Variants in LARGE1 observed in about 807,000 individuals in gnomAD.
LARGE1 encodes the protein xylosyl- and glucuronyltransferase LARGE1.
A neutral mutation model predicts 87.6 loss-of-function variants in LARGE1; 43 were observed. The observed-to-expected ratio is 0.49, with a 90% CI of 0.38 to 0.63. The LOEUF is 0.63. Among genes scored for constraint, LARGE1 ranks in the 30% least tolerant of loss-of-function variants. LARGE1 has a pLI of 0.00. For missense variants in LARGE1, 802 were observed against 1,000.2 expected (o/e 0.80, Z 2.67); for synonymous variants, 434 against 394.6 (o/e 1.10, Z -1.18).
At chr22:33,211,234 T>G (rs1924945707) in intron 11 of LARGE1, among the ~76,000 whole-genome samples, 1 of 152,154 alleles carries the variant, frequency 6.6e-6, no homozygotes. Context: ...CTCCTCCTCA[T>G]CGGGCCTCCT....
chr22:33,352,687 G>C (rs958210856), intron 9 of LARGE1, among the ~76,000 whole-genome samples: 1 of 152,068 alleles, frequency 6.6e-6, no homozygotes, highest in African/African-American at 2.4e-5. Flanking sequence ...GCTTGAACTT[G>C]GGAGGTGGAG....
At chr22:33,784,909 ATGTG>A (rs71816185) in intron 1 of LARGE1, among the ~76,000 whole-genome samples, 1 of 147,262 alleles carries the variant, frequency 6.8e-6, no homozygotes, top group Non-Finnish European at 1.5e-5. Context: ...TGTATATTAT[ATGTG>A]TGTGTATATA....
At chr22:33,792,666 A>G (rs1348011408) in intron 1 of LARGE1, among the ~76,000 whole-genome samples, 1 of 152,154 alleles carries the variant, frequency 6.6e-6, no homozygotes, top group Non-Finnish European at 1.5e-5. Context: ...ATCAAGTCAC[A>G]TATTCAAAAC....
At chr22:33,840,604 T>A (rs1020487043) in intron 1 of LARGE1, among the ~76,000 whole-genome samples, 1 of 152,192 alleles carries the variant, frequency 6.6e-6, no homozygotes, top group South Asian at 2.1e-4. Flanking sequence ...CCTTCATCTT[T>A]ACAGCAACCC....
intron 6 of LARGE1, among the ~76,000 whole-genome samples, chr22:33,445,647 C>CTT (rs201398589): frequency 4.4e-4 from 60 of 135,916 alleles, no homozygotes; most frequent in African/African-American, 1.3e-3. Context: ...AAGGGGGCCA[C>CTT]TTTTTTTTTT....
intron 2 of LARGE1, chr22:33,727,474 C>A (rs1569409217): frequency 6.6e-6 from 1 of 152,186 alleles, no homozygotes; most frequent in Non-Finnish European, 1.5e-5. Flanking sequence ...TGCCCTGTTT[C>A]TCTCACCACC....
chr22:33,282,172 C>T (rs1402332707), intron 13 of LARGE1, among the ~76,000 whole-genome samples: 1 of 152,102 alleles, frequency 6.6e-6, no homozygotes, highest in Admixed American at 6.5e-5. Context: ...TGGAGAAACC[C>T]CGTCTCTACT....
At chr22:33,917,775 AGGCCCATCCCTTAGGCACTCAGAAT>A (rs2146999566) in intron 1 of LARGE1, among the ~76,000 whole-genome samples, 1 of 152,324 alleles carries the variant, frequency 6.6e-6, no homozygotes, top group African/African-American at 2.4e-5. Context: ...AGATGTGAGC[AGGCCCATCCCTTAGGCACTCAGAAT>A]CCACTCACTA....
chr22:33,283,082 G>T, intron 13 of LARGE1, 120 bp downstream of exon 13: 1 of 1,232,256 alleles, frequency 8.1e-7, no homozygotes. Flanking sequence ...GTGCTTTCCT[G>T]GCCTCACAAT....
intron 11 of LARGE1, among the ~76,000 whole-genome samples, chr22:33,314,684 T>A (rs974705649): frequency 1.3e-5 from 2 of 152,178 alleles, no homozygotes; most frequent in Non-Finnish European, 2.9e-5. Context: ...AAAGACAGAA[T>A]GAGGAATCAA....
At chr22:33,088,828 T>G in the LARGE1 span, among the ~76,000 whole-genome samples, 1 of 152,208 alleles carries the variant, frequency 6.6e-6, no homozygotes, top group Non-Finnish European at 1.5e-5. Context: ...TAACTTGCCA[T>G]GTCTCATTTT....
In LARGE1 at chr22:33,815,578, G is replaced by A. The variant is rs1391106078; in HGVS notation, c.-82-54020C>T. ...TTCTACAACCAGAAAGGACTCTTCA[G>A]CCAAGAACCATTCTTAGTAATCTGA... On this transcript the variant is annotated intron_variant, in intron 1 of 14. Coordinates refer to ENST00000397394, the MANE Select transcript of LARGE1 (RefSeq NM_133642.5). Among the ~76,000 whole-genome samples, 4 of 152,170 alleles carry A rather than the reference G, an allele frequency of 2.6e-5. No homozygotes were observed. The East Asian group carries it at 5.8e-4, about 22-fold the overall frequency.
At chr22:33,886,288 T>C (rs1301597351) in intron 1 of LARGE1, among the ~76,000 whole-genome samples, 1 of 152,208 alleles carries the variant, frequency 6.6e-6, no homozygotes, top group Non-Finnish European at 1.5e-5. Flanking sequence ...TACAGGATGT[T>C]CCTGTGACTT....
chr22:33,654,700 A>G (rs1006802770), intron 2 of LARGE1, among the ~76,000 whole-genome samples: 46 of 152,172 alleles, frequency 3.0e-4, no homozygotes, highest in African/African-American at 1.1e-3. Context: ...ACGCTCCTCA[A>G]GCTTTGTGTA....
downstream of LARGE1, among the ~76,000 whole-genome samples, chr22:33,269,255 C>A (rs1928119329): frequency 6.6e-6 from 1 of 152,158 alleles, no homozygotes; most frequent in African/African-American, 2.4e-5. Flanking sequence ...TGCAATTTTC[C>A]TGTTAGTTTT....
chr22:33,296,924 G>A (rs138987920), intron 12 of LARGE1, among the ~76,000 whole-genome samples: 8 of 152,290 alleles, frequency 5.3e-5, no homozygotes, highest in African/African-American at 9.6e-5. Flanking sequence ...TAGCCTGAAC[G>A]TCCTCATTTG....
At chr22:33,670,501 G>A (rs952995713) in intron 2 of LARGE1, among the ~76,000 whole-genome samples, 1 of 151,882 alleles carries the variant, frequency 6.6e-6, no homozygotes, top group Non-Finnish European at 1.5e-5. Context: ...GTGCCAAGGT[G>A]CCCCAGGGTG....
intron 6 of LARGE1, among the ~76,000 whole-genome samples, chr22:33,520,945 T>C (rs907865317): frequency 6.6e-6 from 1 of 152,218 alleles, no homozygotes; most frequent in Non-Finnish European, 1.5e-5. Flanking sequence ...AGTAATTTGA[T>C]TGTGTTGTTT....
chr22:33,569,620 C>T (rs754113342), intron 5 of LARGE1, among the ~76,000 whole-genome samples: 6 of 152,198 alleles, frequency 3.9e-5, no homozygotes, highest in South Asian at 2.1e-4. Context: ...CTCTTAGAGA[C>T]GGCATGATAT....
Sources: gnomAD v4.1 joint callset for allele counts (sites outside exome capture counted in the v4.1 genomes callset) on GRCh38, gnomAD v4.1.1 for gene constraint, MANE v1.5 for transcripts, NCBI Gene and HGNC (gene_info 2026-07-23, HGNC 2026-07-21) for gene names.